The following ADAMTS17 variants were observed in gnomAD, a reference collection of about 807,000 sequenced individuals.
ADAMTS17 encodes the protein ADAM metallopeptidase with thrombospondin type 1 motif 17.
Under a neutral mutation model 141.5 loss-of-function variants are expected in ADAMTS17, and 113 were observed. That is an observed-to-expected ratio of 0.80 (90% confidence interval 0.69 to 0.93). The LOEUF is 0.93. Ranked by LOEUF, ADAMTS17 falls within the 40% of genes least tolerant of loss-of-function variation. ADAMTS17 has a pLI of 0.00. For synonymous variants in ADAMTS17, 768 were observed against 630.6 expected (o/e 1.22, Z -3.27); for missense variants, 1,659 against 1,517.9 (o/e 1.09, Z -1.54).
intron 6 of ADAMTS17, among the ~76,000 whole-genome samples, chr15:100,254,464 G>A (rs2141964438): frequency 6.6e-6 from 1 of 152,298 alleles, no homozygotes; most frequent in South Asian, 2.1e-4. Context: ...TGTTTTGGAA[G>A]ATGTTTGCCA....
intron 18 of ADAMTS17, among the ~76,000 whole-genome samples, chr15:100,037,148 G>A (rs900430087): frequency 9.9e-5 from 15 of 152,060 alleles, no homozygotes; most frequent in African/African-American, 2.9e-4. Flanking sequence ...TTTAAAAAGC[G>A]GTTGTGTCAT....
At chr15:100,341,453 G>T in intron 1 of ADAMTS17, 44 bp from the exon 2 acceptor site, 1 of 1,008,192 alleles carries the variant, frequency 9.9e-7, no homozygotes, top group South Asian at 4.6e-5. Flanking sequence ...GGGCCCGCCC[G>T]GACGCCCGCC....
chr15:100,078,232 G>A (rs11858977), intron 15 of ADAMTS17, among the ~76,000 whole-genome samples: 23,719 of 147,214 alleles, frequency 0.16, 3,588 homozygotes, highest in African/African-American at 0.4. Flanking sequence ...TTTTTTTTGC[G>A]AAAAATGACA....
intron 18 of ADAMTS17, among the ~76,000 whole-genome samples, chr15:100,008,901 C>T (rs967277960): frequency 1.3e-5 from 2 of 151,972 alleles, no homozygotes; most frequent in African/African-American, 4.8e-5. Flanking sequence ...TGCAGTGGTG[C>T]AATCTTGGCT....
At chr15:100,084,928 C>T (rs1258136767) in intron 15 of ADAMTS17, among the ~76,000 whole-genome samples, 4 of 152,164 alleles carry the variant, frequency 2.6e-5, no homozygotes, top group Non-Finnish European at 5.9e-5. Flanking sequence ...CGCTAAAAAT[C>T]GGAGCGCCTC....
intron 8 of ADAMTS17, 37 bp downstream of exon 8, chr15:100,199,281 T>G: frequency 1.3e-6 from 2 of 1,577,610 alleles, no homozygotes; most frequent in Middle Eastern, 1.7e-4. Context: ...CAAAAAGGAC[T>G]GAAAGAAAAC....
intron 3 of ADAMTS17, among the ~76,000 whole-genome samples, chr15:100,292,870 C>A (rs887860227): frequency 4.6e-5 from 7 of 152,150 alleles, no homozygotes; most frequent in African/African-American, 1.7e-4. Context: ...TCCAGCAGGA[C>A]GAAGGATACC....
intron 15 of ADAMTS17, among the ~76,000 whole-genome samples, chr15:100,082,519 G>A (rs911972323): frequency 2.0e-5 from 3 of 151,856 alleles, no homozygotes; most frequent in African/African-American, 7.3e-5. Flanking sequence ...CTGAGTAGTG[G>A]GGACTTCAGG....
At chr15:99,985,646 A>C (rs2060570849) in intron 20 of ADAMTS17, among the ~76,000 whole-genome samples, 1 of 152,146 alleles carries the variant, frequency 6.6e-6, no homozygotes, top group Admixed American at 6.5e-5. Flanking sequence ...TAAGCCTCTG[A>C]CATGATCTTG....
chr15:100,296,125 A>T (rs1172966521), intron 3 of ADAMTS17, among the ~76,000 whole-genome samples: 1 of 152,082 alleles, frequency 6.6e-6, no homozygotes, highest in Admixed American at 6.6e-5. Flanking sequence ...TGGGAAACGT[A>T]CTCGAGAAGG....
intron 4 of ADAMTS17, among the ~76,000 whole-genome samples, chr15:100,281,011 A>G (rs1255383562): frequency 1.3e-5 from 2 of 152,284 alleles, no homozygotes; most frequent in Admixed American, 6.5e-5. Context: ...GGGCACTTCA[A>G]CACTACGCCA....
intron 3 of ADAMTS17, among the ~76,000 whole-genome samples, chr15:100,323,082 C>T (rs2045781919): frequency 3.5e-5 from 1 of 28,272 alleles, no homozygotes; most frequent in African/African-American, 1.3e-4. Flanking sequence ...GAGACTCCGT[C>T]TCAAAAAAAA....
At position 100,102,817 on chromosome 15, in the gene ADAMTS17, C is replaced by A. The variant is rs2036198021; in HGVS notation, c.2016+6172G>T. ...AGCAGCTCCCTAACATTTTACTTGA[C>A]AGCCCGTCAAGCTCTGAGTGTGGGA... On this transcript the variant is annotated intron_variant, in intron 14 of 21. Transcript: ENST00000268070. Among the ~76,000 whole-genome samples the A allele has an allele frequency of 2.6e-5, 4 of 152,304 alleles. No homozygotes were observed. The South Asian group carries it at 8.3e-4, about 32-fold the overall frequency.
At chr15:100,147,379 C>T (rs1342202680) in intron 10 of ADAMTS17, among the ~76,000 whole-genome samples, 1 of 152,146 alleles carries the variant, frequency 6.6e-6, no homozygotes, top group Non-Finnish European at 1.5e-5. Flanking sequence ...ATTGTGTAAA[C>T]ATCATAGAGT....
chr15:100,295,617 G>T (rs1225236860), intron 3 of ADAMTS17, among the ~76,000 whole-genome samples: 1 of 152,184 alleles, frequency 6.6e-6, no homozygotes, highest in African/African-American at 2.4e-5. Context: ...TTCACGCTCT[G>T]TGATCCTGGA....
intron 12 of ADAMTS17, among the ~76,000 whole-genome samples, chr15:100,123,730 C>T (rs538241551): frequency 6.6e-6 from 1 of 152,302 alleles, no homozygotes; most frequent in Admixed American, 6.5e-5. Flanking sequence ...AACGCTCCAA[C>T]AGGTGACATA....
At chr15:100,278,332 A>T (rs1445170829) in intron 4 of ADAMTS17, among the ~76,000 whole-genome samples, 6 of 151,994 alleles carry the variant, frequency 3.9e-5, no homozygotes, top group African/African-American at 7.2e-5. Context: ...TACCACAAAA[A>T]AAAAAAAAAA....
intron 7 of ADAMTS17, among the ~76,000 whole-genome samples, chr15:100,245,905 A>T (rs549171388): frequency 1.3e-5 from 2 of 152,294 alleles, no homozygotes; most frequent in South Asian, 4.1e-4. Context: ...ACGTGTGTAC[A>T]TATGTGTCTG....
At chr15:100,324,125 C>T (rs777211147) in intron 3 of ADAMTS17, among the ~76,000 whole-genome samples, 8 of 151,682 alleles carry the variant, frequency 5.3e-5, no homozygotes, top group African/African-American at 1.2e-4. Flanking sequence ...GCCAACATGG[C>T]GAAACCCCAT....
Sources: allele counts gnomAD v4.1 joint callset (sites outside exome capture counted in the v4.1 genomes callset), GRCh38; gene constraint gnomAD v4.1.1; transcripts MANE v1.5; gene names NCBI Gene and HGNC (gene_info 2026-07-23, HGNC 2026-07-21).